LHFPL3: variants seen among roughly 807,000 people sequenced by gnomAD.
The protein encoded by LHFPL3 is LHFPL tetraspan subfamily member 3 protein.
In LHFPL3, 5 loss-of-function variants were observed where a neutral mutation model predicts 19.3. The ratio of observed to expected loss-of-function variants is 0.26; its 90% CI spans 0.14 to 0.54. The LOEUF is 0.54. LHFPL3 is among the 20% of genes least tolerant of loss of function. The pLI is 0.94. For synonymous variants in LHFPL3, 133 were observed against 126.2 expected (o/e 1.05, Z -0.36); for missense variants, 249 against 307.4 (o/e 0.81, Z 1.42).
chr7:104,685,358 A>C (rs1447959279), intron 1 of LHFPL3, among the ~76,000 whole-genome samples: 5 of 152,208 alleles, frequency 3.3e-5, no homozygotes, highest in Admixed American at 3.3e-4. Flanking sequence ...AGAAAAATAA[A>C]TAAATATAGA....
intron 1 of LHFPL3, among the ~76,000 whole-genome samples, chr7:104,684,943 T>C (rs1374688369): frequency 6.6e-6 from 1 of 152,218 alleles, no homozygotes; most frequent in Admixed American, 6.5e-5. Flanking sequence ...AAAATCATTC[T>C]CATTCTATTT....
chr7:104,885,339 G>T (rs1792127723), intron 2 of LHFPL3, among the ~76,000 whole-genome samples: 1 of 152,016 alleles, frequency 6.6e-6, no homozygotes, highest in Admixed American at 6.6e-5. Flanking sequence ...ACAATGGATG[G>T]CTCCCAAATA....
At chr7:104,379,405 C>A (rs1354133008) in intron 1 of LHFPL3, among the ~76,000 whole-genome samples, 1 of 152,216 alleles carries the variant, frequency 6.6e-6, no homozygotes, top group Non-Finnish European at 1.5e-5. Context: ...TCTGCCTCTT[C>A]ATTTTTTGTG....
chr7:104,347,864 C>T (rs1790101810), intron 1 of LHFPL3, among the ~76,000 whole-genome samples: 1 of 150,194 alleles, frequency 6.7e-6, no homozygotes, highest in Admixed American at 6.6e-5. Flanking sequence ...ACACTCTAGC[C>T]TGGGCGACAG....
At chr7:104,759,376 T>TAA (rs58943910) in intron 2 of LHFPL3, among the ~76,000 whole-genome samples, 1 of 151,822 alleles carries the variant, frequency 6.6e-6, no homozygotes, top group South Asian at 2.1e-4. Context: ...AATTTTTTTT[T>TAA]AAAAAAAGGT....
chr7:104,631,252 C>A (rs1389918248), intron 1 of LHFPL3, among the ~76,000 whole-genome samples: 1 of 151,572 alleles, frequency 6.6e-6, no homozygotes, highest in African/African-American at 2.4e-5. Flanking sequence ...ACTGGAATAT[C>A]TTGCCCTCTC....
chr7:104,901,067 A>G lies in LHFPL3; in HGVS notation c.683-5120A>G, dbSNP rs76099041. The stretch of plus-strand genomic sequence containing the variant: ...ATTACACCACACTGATGCTTCCACC[A>G]AATTCTGCAAATTGTCCTCGTGTCT... On this transcript the variant is annotated intron_variant, in intron 2 of 2. Transcript: ENST00000424859. 2.6e-3 allele frequency among the ~76,000 whole-genome samples: 400 copies of G among 152,340 alleles called. 10 individuals carry two copies. The East Asian group carries it at 0.035, about 13-fold the overall frequency.
chr7:104,583,164 A>G (rs1487404665), intron 1 of LHFPL3, among the ~76,000 whole-genome samples: 1 of 152,150 alleles, frequency 6.6e-6, no homozygotes, highest in Non-Finnish European at 1.5e-5. Flanking sequence ...TCACATATCT[A>G]CAACTATCTG....
intron 1 of LHFPL3, among the ~76,000 whole-genome samples, chr7:104,691,428 G>T (rs1171682342): frequency 1.3e-5 from 2 of 152,238 alleles, no homozygotes; most frequent in Non-Finnish European, 2.9e-5. Context: ...TGCATGATAT[G>T]CAGGCACAAC....
At chr7:104,425,996 G>A (rs143412586) in intron 1 of LHFPL3, among the ~76,000 whole-genome samples, 5 of 152,268 alleles carry the variant, frequency 3.3e-5, no homozygotes, top group East Asian at 3.9e-4. Context: ...ACTGTTGCAC[G>A]TCAACATTGC....
chr7:104,545,846 C>T (rs924312323), intron 1 of LHFPL3, among the ~76,000 whole-genome samples: 2 of 152,212 alleles, frequency 1.3e-5, no homozygotes, highest in African/African-American at 4.8e-5. Context: ...GGGTCAGCAT[C>T]CTGCCTCCAC....
At chr7:104,335,167 C>T (rs1789769892) in intron 1 of LHFPL3, among the ~76,000 whole-genome samples, 1 of 151,732 alleles carries the variant, frequency 6.6e-6, no homozygotes, top group Admixed American at 6.6e-5. Flanking sequence ...ATCATCTGTC[C>T]TTACCCTTTG....
chr7:104,613,410 G>A (rs1791246879), intron 1 of LHFPL3, among the ~76,000 whole-genome samples: 1 of 152,134 alleles, frequency 6.6e-6, no homozygotes, highest in Non-Finnish European at 1.5e-5. Flanking sequence ...TTGTGTAATT[G>A]CAAATGGTCC....
At position 104,709,698 on chromosome 7, in the gene LHFPL3, G is replaced by A. The variant is rs1042284050; in HGVS notation, c.446-26977G>A. 1.8e-3 allele frequency among the ~76,000 whole-genome samples: 267 copies of A among 151,584 alleles called. 1 individual carries two copies. Among genetic ancestry groups the A allele is most frequent in the African/African-American group, 5.6e-3 (230 of 41,354 alleles). On this transcript the variant is annotated intron_variant, in intron 1 of 2. Coordinates refer to ENST00000424859, the MANE Select transcript of LHFPL3 (RefSeq NM_199000.3). ...CCCCACATTTCCCCCTTTTCTATTCGACAAAACCGCCATCATCATCATGGC... is the reference window on the plus strand; with the variant it reads ...CCCCACATTTCCCCCTTTTCTATTCAACAAAACCGCCATCATCATCATGGC...
intron 2 of LHFPL3, among the ~76,000 whole-genome samples, chr7:104,770,397 G>T (rs780719095): frequency 2.6e-5 from 4 of 152,320 alleles, no homozygotes; most frequent in Non-Finnish European, 5.9e-5. Context: ...TGAGTTACTT[G>T]CCTGCTCATG....
chr7:104,614,690 TCTTTCTTTC>T (rs1201428395), intron 1 of LHFPL3, among the ~76,000 whole-genome samples: 2 of 118,932 alleles, frequency 1.7e-5, no homozygotes, highest in African/African-American at 6.8e-5. Context: ...CTTCTTTCTT[TCTTTCTTTC>T]TTTCTTTCTT....
At chr7:104,391,104 A>G (rs970034584) in intron 1 of LHFPL3, among the ~76,000 whole-genome samples, 1 of 152,112 alleles carries the variant, frequency 6.6e-6, no homozygotes, top group African/African-American at 2.4e-5. Context: ...AGATGGGTAG[A>G]TTGCAAACAT....
intron 1 of LHFPL3, among the ~76,000 whole-genome samples, chr7:104,450,647 A>G (rs1299020508): frequency 6.6e-6 from 1 of 152,044 alleles, no homozygotes; most frequent in Non-Finnish European, 1.5e-5. Flanking sequence ...GGGTGCAGCA[A>G]ACCACCATGG....
intron 1 of LHFPL3, among the ~76,000 whole-genome samples, chr7:104,605,871 G>GAAA (rs11443804): frequency 1.4e-5 from 2 of 147,474 alleles, no homozygotes; most frequent in African/African-American, 2.5e-5. Context: ...ATGATGGTCT[G>GAAA]AAAAAAAAAA....
Sources: allele counts gnomAD v4.1 joint callset (sites outside exome capture counted in the v4.1 genomes callset), GRCh38; gene constraint gnomAD v4.1.1; transcripts MANE v1.5; gene names NCBI Gene and HGNC (gene_info 2026-07-23, HGNC 2026-07-21).